BLTP1: variants seen among roughly 807,000 people sequenced by gnomAD.
The protein encoded by BLTP1 is fragile site-associated protein.
At chr4:122,291,952 T>A in the BLTP1 span, 7 of 213,692 alleles carry the variant, frequency 3.3e-5, no homozygotes, top group Non-Finnish European at 5.6e-5. Context: ...TAAGGTGTGC[T>A]CATGCATCAA....
At chr4:122,318,085 T>TA in the BLTP1 span, 2 of 1,518,104 alleles carry the variant, frequency 1.3e-6, no homozygotes, top group East Asian at 2.3e-5. Context: ...AAGGAGCAAG[T>TA]AAAAAATCAG....
the BLTP1 span, among the ~76,000 whole-genome samples, chr4:122,202,770 T>C: frequency 6.6e-6 from 1 of 152,074 alleles, no homozygotes; most frequent in Non-Finnish European, 1.5e-5. Context: ...TACACTATTG[T>C]GTTAGTTACA....
the BLTP1 span, chr4:122,246,313 T>C: frequency 1.9e-6 from 3 of 1,542,728 alleles, no homozygotes; most frequent in Non-Finnish European, 2.6e-6. Context: ...CAATTTAATA[T>C]TTAAAAATTT....
chr4:122,221,856 C>G, the BLTP1 span: 2 of 983,198 alleles, frequency 2.0e-6, no homozygotes, highest in Non-Finnish European at 2.4e-6. Flanking sequence ...AGATGACTAT[C>G]CCTGGTTTTT....
At chr4:122,152,555 G>T in the BLTP1 span, 2 of 985,708 alleles carry the variant, frequency 2.0e-6, no homozygotes, top group Non-Finnish European at 2.4e-6. Flanking sequence ...GAGGCCAGAG[G>T]GATTTCGGGC....
the BLTP1 span, chr4:122,162,645 C>T: frequency 1.0e-6 from 1 of 984,908 alleles, no homozygotes. Context: ...GGTCATCCTT[C>T]TGCTAGCTGT....
At chr4:122,291,804 T>C in the BLTP1 span, 5 of 979,550 alleles carry the variant, frequency 5.1e-6, no homozygotes, top group Non-Finnish European at 6.1e-6. Flanking sequence ...GCGTCTCTTA[T>C]GGTTCCATAA....
chr4:122,290,972 T>G, the BLTP1 span: 1 of 874,968 alleles, frequency 1.1e-6, no homozygotes. Flanking sequence ...AAACAAGTGT[T>G]GTGGAGTTCC....
At chr4:122,251,281 C>T in the BLTP1 span, 52 of 975,186 alleles carry the variant, frequency 5.3e-5, no homozygotes, top group Middle Eastern at 5.3e-4. Context: ...AACTGTTGTT[C>T]TTAAACGTAT....
At chr4:122,309,258 T>C in the BLTP1 span, 12 of 1,606,272 alleles carry the variant, frequency 7.5e-6, no homozygotes, top group East Asian at 4.5e-5. Context: ...CTTTAATATA[T>C]TTTGCAGTCT....
At chr4:122,227,047 A>G in the BLTP1 span, 1 of 547,170 alleles carries the variant, frequency 1.8e-6, no homozygotes, top group East Asian at 5.0e-5. Context: ...TAAAAAAGAA[A>G]CAGAATTATA....
chr4:122,254,389 T>C, the BLTP1 span: 28 of 1,464,476 alleles, frequency 1.9e-5, no homozygotes, highest in Non-Finnish European at 2.6e-5. Flanking sequence ...TGATGTTTCT[T>C]TATTTTAAAT....
the BLTP1 span, chr4:122,263,070 T>C: frequency 7.1e-7 from 1 of 1,417,780 alleles, no homozygotes; most frequent in Non-Finnish European, 9.5e-7. Flanking sequence ...AGATATATAC[T>C]TTGGTAGTAC....
the BLTP1 span, among the ~76,000 whole-genome samples, chr4:122,196,043 A>C: frequency 6.6e-6 from 1 of 152,298 alleles, no homozygotes; most frequent in African/African-American, 2.4e-5. Context: ...GGGAGGCAAA[A>C]ACATTAGTAC....
chr4:122,247,633 T>C, the BLTP1 span: 2 of 1,211,630 alleles, frequency 1.7e-6, no homozygotes, highest in Non-Finnish European at 1.0e-6. Flanking sequence ...ATGTGTTTTT[T>C]CCATGCTATT....
chr4:122,269,773 G>A, the BLTP1 span: 2 of 696,154 alleles, frequency 2.9e-6, no homozygotes, highest in Non-Finnish European at 3.5e-6. Context: ...AGTCTGGCAT[G>A]TAGTAAGTCC....
chr4:122,307,321 TG>T, the BLTP1 span: 1 of 246,650 alleles, frequency 4.1e-6, no homozygotes, highest in African/African-American at 2.3e-5. Flanking sequence ...ATTTTCCACT[TG>T]TAGCATCATA....
chr4:122,238,289 GATGACC>G, the BLTP1 span: 21 of 1,614,138 alleles, frequency 1.3e-5, no homozygotes, highest in Non-Finnish European at 1.8e-5. Flanking sequence ...ATCTGTTGCT[GATGACC>G]ATTTGGTTCA....
chr4:122,257,608 C>T, the BLTP1 span: 4 of 955,468 alleles, frequency 4.2e-6, no homozygotes, highest in South Asian at 6.4e-5. Context: ...CATCTTTTAT[C>T]AGTAAGTTAA....
Sources: gnomAD v4.1 joint callset for allele counts (sites outside exome capture counted in the v4.1 genomes callset) on GRCh38, gnomAD v4.1.1 for gene constraint, MANE v1.5 for transcripts, NCBI Gene and HGNC (gene_info 2026-07-23, HGNC 2026-07-21) for gene names.